VAV2: variants seen among roughly 807,000 people sequenced by gnomAD.
VAV2 encodes the protein guanine nucleotide exchange factor VAV2.
A neutral mutation model predicts 132.5 loss-of-function variants in VAV2; 67 were observed. The observed-to-expected ratio is 0.51, with a 90% CI of 0.42 to 0.62. VAV2 has a LOEUF of 0.62. Among genes scored for constraint, VAV2 ranks in the 20% least tolerant of loss-of-function variants. The pLI is 0.00. For synonymous variants in VAV2, 492 were observed against 443.5 expected, an observed-to-expected ratio of 1.11 and a Z score of -1.37; for missense variants, 938 against 1,153.6, an observed-to-expected ratio of 0.81 and a Z score of 2.71.
At chr9:133,949,962 C>T (rs1178153919) in intron 1 of VAV2, among the ~76,000 whole-genome samples, 4 of 152,232 alleles carry the variant, frequency 2.6e-5, no homozygotes, top group Non-Finnish European at 5.9e-5. Context: ...CTGCTGCAAA[C>T]TTCAAGCGCC....
rs943787182 is a variant in VAV2 at position 133,884,792 on chromosome 9, C to T, written c.322-23360G>A. On this transcript the variant is annotated intron_variant, in intron 2 of 29. Coordinates refer to ENST00000371850, the MANE Select transcript of VAV2 (RefSeq NM_001134398.2). This position sits in a 1 kb window ranked among gnomAD's most constrained non-coding sequence, Gnocchi z 5.3. The stretch of plus-strand genomic sequence containing the variant: ...GCTCCGTGAGAATGCTGGTAGGGAG[C>T]AGAACCAAACACCCAGGGAAGGAAG... 1.3e-5 allele frequency among the ~76,000 whole-genome samples: 2 copies of T among 152,174 alleles called. No homozygotes were observed.
At position 133,919,836 on chromosome 9, in the gene VAV2, C is replaced by T. The variant is rs573250606; in HGVS notation, c.321+19267G>A. ...CCCCGACTGTCCCTGCCGCCCCGGC[C>T]ACCCCTGCCTCACCCACCACCCAAC... On this transcript the variant is annotated intron_variant, in intron 2 of 29. Transcript: ENST00000371850. The surrounding 1 kb of genome is among the most constrained non-coding windows in gnomAD (Gnocchi z 5.8). Among the ~76,000 whole-genome samples, 3 of 152,294 alleles carry T rather than the reference C, an allele frequency of 2.0e-5. No homozygotes were observed. The highest frequency in any genetic ancestry group is 7.2e-5 in the African/African-American group (3 of 41,564).
intron 3 of VAV2, among the ~76,000 whole-genome samples, chr9:133,846,290 G>A (rs1045013266): frequency 6.6e-6 from 1 of 152,126 alleles, no homozygotes; most frequent in Non-Finnish European, 1.5e-5. Flanking sequence ...AAAGGGCCTG[G>A]GTGTCACCCC....
intron 2 of VAV2, among the ~76,000 whole-genome samples, chr9:133,936,471 A>G (rs1840913726): frequency 1.3e-5 from 2 of 152,024 alleles, no homozygotes; most frequent in African/African-American, 4.8e-5. Context: ...TCGAACTCCT[A>G]ACTTCAAATG....
chr9:133,903,754 G>T (rs1048149321), intron 2 of VAV2, among the ~76,000 whole-genome samples: 1 of 152,144 alleles, frequency 6.6e-6, no homozygotes, highest in Admixed American at 6.6e-5. Context: ...CTCAACAGGG[G>T]GATGCTGGCG....
At chr9:133,958,599 A>C (rs950947676) in intron 1 of VAV2, among the ~76,000 whole-genome samples, 3 of 150,284 alleles carry the variant, frequency 2.0e-5, no homozygotes, top group African/African-American at 7.3e-5. Flanking sequence ...GGCTGGCGGG[A>C]TCCTCCATAT....
At chr9:133,819,182 C>T (rs1277675292) in intron 4 of VAV2, among the ~76,000 whole-genome samples, 1 of 152,036 alleles carries the variant, frequency 6.6e-6, no homozygotes, top group African/African-American at 2.4e-5. Context: ...AGCAACCTCA[C>T]ACCTGTAATC....
intron 1 of VAV2, among the ~76,000 whole-genome samples, chr9:133,972,914 T>C (rs570057810): frequency 1.3e-5 from 2 of 152,204 alleles, no homozygotes; most frequent in South Asian, 2.1e-4. Context: ...ACTCCCATGA[T>C]GAGGGGTGTC....
intron 1 of VAV2, among the ~76,000 whole-genome samples, chr9:133,990,905 C>T (rs964122964): frequency 1.3e-5 from 2 of 152,114 alleles, no homozygotes; most frequent in African/African-American, 4.8e-5. Context: ...GGAAGGCGGC[C>T]CCTTCCCCTC....
rs111580092 is a variant in VAV2 at position 133,787,327 on chromosome 9, G to C, written c.1408-67C>G. On this transcript the variant is annotated intron_variant, in intron 15 of 29. Transcript: ENST00000371850. ...GAGAGGCTAAGCCCGGCCCTGTGGT[G>C]GGTGCCGCAGTGTGGAGGCGCCAGG... The C allele has an allele frequency of 1.8e-3, 2,718 of 1,475,692 alleles. 38 individuals carry two copies. The African/African-American group carries it at 0.03, about 17-fold the overall frequency. The allele number at this position is 1,475,692 out of a possible 1,614,324, so 91.4% of individuals were successfully genotyped here.
intron 2 of VAV2, among the ~76,000 whole-genome samples, chr9:133,922,100 C>G (rs751547012): frequency 9.2e-5 from 14 of 152,374 alleles, no homozygotes; most frequent in East Asian, 1.9e-4. Flanking sequence ...GGGACCCGGA[C>G]CCGGCTCCCT....
rs1055829390 is a variant in VAV2 at position 133,802,959 on chromosome 9, GAGGTTCCCAA to G, written c.836+3112_836+3121del. ...CGGGAGCTGAGGCTTCTTGACTTCA[GAGGTTCCCAA>G]AGGCAGCCCTGCCAGAGCAGGTGGC... On this transcript the variant is annotated intron_variant, in intron 9 of 29. Coordinates refer to ENST00000371850, the MANE Select transcript of VAV2 (RefSeq NM_001134398.2). The surrounding 1 kb of genome is among the most constrained non-coding windows in gnomAD (Gnocchi z 5.8). Among the ~76,000 whole-genome samples the G allele has an allele frequency of 1.3e-5, 2 of 152,200 alleles. No homozygotes were observed. Among genetic ancestry groups the G allele is most frequent in the African/African-American group, 4.8e-5 (2 of 41,446 alleles).
intron 3 of VAV2, among the ~76,000 whole-genome samples, chr9:133,841,485 G>GC (rs1052302554): frequency 7.9e-5 from 12 of 152,262 alleles, no homozygotes; most frequent in African/African-American, 2.6e-4. Context: ...GAGCAGGGAA[G>GC]CCCCTCTTGC....
chr9:133,937,357 GTA>G (rs1333072764), intron 2 of VAV2, among the ~76,000 whole-genome samples: 1 of 150,366 alleles, frequency 6.7e-6, no homozygotes, highest in African/African-American at 2.5e-5. Context: ...TCAAGTGTGT[GTA>G]TGTGTGTTTG....
At chr9:133,871,839 G>A (rs1041806275) in intron 2 of VAV2, among the ~76,000 whole-genome samples, 2 of 152,164 alleles carry the variant, frequency 1.3e-5, no homozygotes, top group African/African-American at 4.8e-5. Context: ...TAACAGTAAG[G>A]TACCTGAGAG....
chr9:133,934,114 T>C (rs2810519), intron 2 of VAV2, among the ~76,000 whole-genome samples: 122,341 of 150,738 alleles, frequency 0.81, 51,049 homozygotes, highest in East Asian at 0.92. Flanking sequence ...GGATGATGGA[T>C]AGATGGATGG....
chr9:133,793,463 G>A (rs114445965), intron 12 of VAV2, among the ~76,000 whole-genome samples: 1,534 of 151,810 alleles, frequency 0.01, 28 homozygotes, highest in African/African-American at 0.035. Flanking sequence ...CTGTCTGAAA[G>A]GGGTGTTCCG....
intron 1 of VAV2, among the ~76,000 whole-genome samples, chr9:133,948,533 G>C (rs778892336): frequency 6.6e-6 from 1 of 152,044 alleles, no homozygotes; most frequent in African/African-American, 2.4e-5. Flanking sequence ...GGCGGCCCGC[G>C]TGCCCTCAGG....
At chr9:133,777,535 G>A (rs912295459) in intron 22 of VAV2, 72 bp from the exon 23 acceptor site, 38 of 1,451,318 alleles carry the variant, frequency 2.6e-5, no homozygotes, top group East Asian at 4.5e-5. Context: ...CCATTTAGAC[G>A]GACTCAGCGT....
Sources: gnomAD v4.1 joint callset for allele counts (sites outside exome capture counted in the v4.1 genomes callset) on GRCh38, gnomAD v4.1.1 for gene constraint, Gnocchi (gnomAD v3.1) non-coding constraint, MANE v1.5 for transcripts, NCBI Gene and HGNC (gene_info 2026-07-23, HGNC 2026-07-21) for gene names.